LNX1: variants seen among roughly 807,000 people sequenced by gnomAD.
LNX1 encodes the protein E3 ubiquitin-protein ligase LNX.
In LNX1, 54 loss-of-function variants were observed where a neutral mutation model predicts 68.4. The ratio of observed to expected loss-of-function variants is 0.79; its 90% CI spans 0.63 to 0.99. The LOEUF is 0.99. Among genes scored for constraint, LNX1 ranks in the 50% least tolerant of loss-of-function variants. The pLI is 0.00. For synonymous variants in LNX1, 336 were observed against 350.0 expected, an observed-to-expected ratio of 0.96 and a Z score of 0.45; for missense variants, 906 against 926.4, an observed-to-expected ratio of 0.98 and a Z score of 0.29.
chr4:53,534,032 A>G (rs1375845641), intron 2 of LNX1, among the ~76,000 whole-genome samples: 1 of 152,232 alleles, frequency 6.6e-6, no homozygotes, highest in African/African-American at 2.4e-5. Context: ...AAGCATGAGC[A>G]CTGACAGTCA....
In LNX1 at chr4:53,507,270, T is replaced by C. The variant is rs920796022; in HGVS notation, c.775+47A>G. 8 of 1,590,248 alleles carry C rather than the reference T, an allele frequency of 5.0e-6. No individual in the cohort carries two copies. In the Admixed American group the frequency reaches 5.4e-5, roughly 11 times the overall value. ...GATTGCGTCATCCCTGAAGTCCCCC[T>C]GGAAGCCCAGCCCATGTCCATCCAG... On this transcript the variant is annotated intron_variant, in intron 4 of 10. Coordinates refer to ENST00000263925, the MANE Select transcript of LNX1 (RefSeq NM_001126328.3).
At chr4:53,466,728 C>A (rs957132151) in intron 9 of LNX1, among the ~76,000 whole-genome samples, 3 of 152,224 alleles carry the variant, frequency 2.0e-5, no homozygotes, top group East Asian at 1.9e-4. Flanking sequence ...GCCCAAGGAG[C>A]CTTGCTCATT....
intron 2 of LNX1, among the ~76,000 whole-genome samples, chr4:53,547,742 C>G (rs1471880075): frequency 6.6e-6 from 1 of 151,936 alleles, no homozygotes; most frequent in Admixed American, 6.6e-5. Context: ...TAGAAGGGCA[C>G]CAGAATTCCC....
intron 2 of LNX1, among the ~76,000 whole-genome samples, chr4:53,536,979 T>C (rs540566737): frequency 3.3e-5 from 5 of 152,338 alleles, no homozygotes; most frequent in South Asian, 4.1e-4. Flanking sequence ...ACAGTGATGA[T>C]TTCTAATTAC....
intron 6 of LNX1, among the ~76,000 whole-genome samples, chr4:53,484,177 C>A: frequency 6.6e-6 from 1 of 152,186 alleles, no homozygotes; most frequent in East Asian, 1.9e-4. Flanking sequence ...ATGTTGTTTA[C>A]AAGCCACCTA....
chr4:53,624,490 A>C (rs544447607), intron 1 of LNX1, among the ~76,000 whole-genome samples: 1 of 152,340 alleles, frequency 6.6e-6, no homozygotes, highest in African/African-American at 2.4e-5. Flanking sequence ...GCCACATGCA[A>C]CTGTGAGTCC....
intron 2 of LNX1, among the ~76,000 whole-genome samples, chr4:53,564,129 T>G (rs1025252276): frequency 1.8e-4 from 27 of 152,180 alleles, no homozygotes; most frequent in Admixed American, 1.7e-3. Flanking sequence ...CTCTCCTCAC[T>G]GCTGTTTTCC....
intron 1 of LNX1, among the ~76,000 whole-genome samples, chr4:53,645,713 C>G (rs1183727486): frequency 6.6e-6 from 1 of 152,184 alleles, no homozygotes; most frequent in Non-Finnish European, 1.5e-5. Context: ...ATCTTGGCCT[C>G]TCACATGACC....
chr4:53,601,795 A>G (rs1289348737), intron 2 of LNX1, among the ~76,000 whole-genome samples: 1 of 152,152 alleles, frequency 6.6e-6, no homozygotes. Context: ...CTTCTCCAGG[A>G]TAAAGGAATA....
intron 9 of LNX1, among the ~76,000 whole-genome samples, chr4:53,470,340 CAAAAT>C (rs1423866471): frequency 6.6e-6 from 1 of 152,142 alleles, no homozygotes; most frequent in East Asian, 1.9e-4. Flanking sequence ...GGACGTATCT[CAAAAT>C]AATAAGAGCT....
intron 1 of LNX1, among the ~76,000 whole-genome samples, chr4:53,636,153 T>G (rs1734465327): frequency 6.7e-6 from 1 of 148,604 alleles, no homozygotes; most frequent in Admixed American, 6.7e-5. Flanking sequence ...CAAAGAGGGA[T>G]CTCAGAGACT....
intron 2 of LNX1, among the ~76,000 whole-genome samples, chr4:53,551,397 C>T (rs1008422447): frequency 6.6e-6 from 1 of 152,102 alleles, no homozygotes; most frequent in South Asian, 2.1e-4. Context: ...TAGAAAACAC[C>T]TGAAACTGGT....
chr4:53,526,137 G>A (rs1432502229), intron 2 of LNX1, among the ~76,000 whole-genome samples: 2 of 151,830 alleles, frequency 1.3e-5, no homozygotes, highest in Non-Finnish European at 2.9e-5. Flanking sequence ...GATAACATAC[G>A]CCACGTTCAG....
chr4:53,643,622 C>T (rs1270812346), intron 1 of LNX1, among the ~76,000 whole-genome samples: 2 of 152,154 alleles, frequency 1.3e-5, no homozygotes, highest in African/African-American at 2.4e-5. Flanking sequence ...CAAGACCTCT[C>T]GCCCTCTCTC....
At chr4:53,472,730 T>C (rs1308591533) in intron 9 of LNX1, among the ~76,000 whole-genome samples, 1 of 147,692 alleles carries the variant, frequency 6.8e-6, no homozygotes, top group Non-Finnish European at 1.5e-5. Flanking sequence ...AAGGACTCTT[T>C]GCAATATAAT....
intron 2 of LNX1, among the ~76,000 whole-genome samples, chr4:53,611,270 G>T (rs1268549185): frequency 6.6e-6 from 1 of 151,884 alleles, no homozygotes; most frequent in East Asian, 1.9e-4. Flanking sequence ...AAATACTTAG[G>T]ATAACCAAAA....
intron 1 of LNX1, among the ~76,000 whole-genome samples, chr4:53,574,723 CTG>C (rs1731377969): frequency 6.6e-6 from 1 of 152,206 alleles, no homozygotes; most frequent in Non-Finnish European, 1.5e-5. Context: ...ATTTCAGACT[CTG>C]TTTTCACATC....
At chr4:53,617,978 G>A (rs1325443194), upstream of LNX1, among the ~76,000 whole-genome samples, 1 of 152,122 alleles carries the variant, frequency 6.6e-6, no homozygotes, top group Non-Finnish European at 1.5e-5. Flanking sequence ...CTCTAGTAGT[G>A]TGGTTAGGTG....
intron 6 of LNX1, among the ~76,000 whole-genome samples, chr4:53,487,270 G>A (rs552545083): frequency 2.6e-5 from 4 of 152,332 alleles, no homozygotes; most frequent in East Asian, 1.9e-4. Context: ...CAGTGAAAAC[G>A]TACAGGGGGA....
Sources: allele counts gnomAD v4.1 joint callset (sites outside exome capture counted in the v4.1 genomes callset), GRCh38; gene constraint gnomAD v4.1.1; transcripts MANE v1.5; gene names NCBI Gene and HGNC (gene_info 2026-07-23, HGNC 2026-07-21).